Variants in ATG2B observed in about 807,000 individuals in gnomAD.
ATG2B encodes the protein autophagy-related protein 2 homolog B.
Under a neutral mutation model 241.3 loss-of-function variants are expected in ATG2B, and 121 were observed. That is an observed-to-expected ratio of 0.50 (90% confidence interval 0.43 to 0.58). The LOEUF is 0.58. Ranked by LOEUF, ATG2B falls within the 20% of genes least tolerant of loss-of-function variation. The pLI is 0.00. For synonymous variants in ATG2B, 858 were observed against 876.6 expected (o/e 0.98, Z 0.37); for missense variants, 2,306 against 2,491.6 (o/e 0.93, Z 1.59).
At position 96,289,637 on chromosome 14, in the gene ATG2B, C is replaced by T. The variant is rs1227902268; in HGVS notation, c.6006+19G>A. On this transcript the variant is annotated intron_variant, in intron 41 of 41. Transcript: ENST00000359933. This position sits in a 1 kb window ranked among gnomAD's most constrained non-coding sequence, Gnocchi z 4.3. ...GCGCACAGAAGGGTTCTGATGTGTC[C>T]ACCCAAGTATTCAGTTACCTCTTTC... 1 of 1,613,574 alleles carries T rather than the reference C, an allele frequency of 6.2e-7. No homozygotes were observed.
At chr14:96,357,486 T>C (rs753563684) in intron 1 of ATG2B, among the ~76,000 whole-genome samples, 1 of 152,078 alleles carries the variant, frequency 6.6e-6, no homozygotes. Flanking sequence ...AGCCCCCACA[T>C]TCTAAAGCCC....
chr14:96,327,256 AT>A (rs1887610385), intron 14 of ATG2B, among the ~76,000 whole-genome samples: 1 of 151,682 alleles, frequency 6.6e-6, no homozygotes. Context: ...AATAATAATA[AT>A]AATAATAAAC....
chr14:96,308,253 CACACATAT>C (rs1887033903), intron 29 of ATG2B, among the ~76,000 whole-genome samples: 1 of 36,428 alleles, frequency 2.7e-5, no homozygotes, highest in African/African-American at 1.6e-4. Flanking sequence ...TATATATATA[CACACATAT>C]ATATATATAT....
At position 96,283,364 on chromosome 14, in the gene ATG2B, C is replaced by T. The variant is rs1254481007; in HGVS notation, c.*2391G>A. The T allele has an allele frequency of 6.6e-6, 1 of 152,350 alleles. No individual in the cohort carries two copies. The highest frequency in any genetic ancestry group is 1.5e-5 in the Non-Finnish European group (1 of 68,164). 9.4% of individuals were successfully genotyped at this position (152,350 alleles called of 1,614,324 possible). ...AGTATTGCTCTGAGAGATCTGAGAT[C>T]TAAGGTGGCCCCTGGCTGCTCCGCG... On this transcript the variant is annotated 3_prime_UTR_variant, in exon 42 of 42. Coordinates refer to ENST00000359933, the MANE Select transcript of ATG2B (RefSeq NM_018036.7).
chr14:96,302,943 C>T, intron 33 of ATG2B, 118 bp downstream of exon 33: 1 of 779,256 alleles, frequency 1.3e-6, no homozygotes, highest in African/African-American at 1.8e-5. Context: ...AGGGACTTTT[C>T]ACATTAAAAT....
At chr14:96,341,373 T>A (rs923997007) in intron 6 of ATG2B, 149 bp downstream of exon 6, 2 of 526,038 alleles carry the variant, frequency 3.8e-6, no homozygotes, top group African/African-American at 2.0e-5. Flanking sequence ...GATAGAAGCA[T>A]CAACTGAGAG....
intron 34 of ATG2B, among the ~76,000 whole-genome samples, chr14:96,298,543 C>T (rs1322440059): frequency 2.0e-5 from 3 of 152,180 alleles, no homozygotes; most frequent in African/African-American, 7.2e-5. Context: ...TGTGAACCAG[C>T]AGGTAAACAG....
At chr14:96,323,447 T>C (rs1286217739) in intron 16 of ATG2B, among the ~76,000 whole-genome samples, 9 of 152,244 alleles carry the variant, frequency 5.9e-5, no homozygotes, top group Non-Finnish European at 1.3e-4. Flanking sequence ...AGAATAGCTG[T>C]GCTGCAACTG....
intron 15 of ATG2B, 51 bp downstream of exon 15, chr14:96,325,598 G>T (rs768955733): frequency 4.4e-5 from 66 of 1,513,750 alleles, no homozygotes; most frequent in Non-Finnish European, 1.3e-5. Context: ...AGTTTCAGTA[G>T]CAGTTGTTTG....
At chr14:96,296,825 A>C (rs1304619063) in intron 34 of ATG2B, among the ~76,000 whole-genome samples, 1 of 152,086 alleles carries the variant, frequency 6.6e-6, no homozygotes, top group Non-Finnish European at 1.5e-5. Flanking sequence ...TACTGTGCCA[A>C]AATGCAATGT....
chr14:96,318,930 A>T (rs921612527), intron 18 of ATG2B, among the ~76,000 whole-genome samples: 6 of 152,182 alleles, frequency 3.9e-5, no homozygotes, highest in African/African-American at 1.4e-4. Context: ...CGCCCAAGAG[A>T]GGGACTTGTG....
intron 11 of ATG2B, among the ~76,000 whole-genome samples, chr14:96,330,107 G>C (rs1361547869): frequency 6.7e-6 from 1 of 149,448 alleles, no homozygotes; most frequent in African/African-American, 2.5e-5. Flanking sequence ...CCCAGCACTT[G>C]AGGAGGACAA....
Position 96,324,059 on chromosome 14 carries a change from G to A in ATG2B, c.2438-61C>T, listed in dbSNP as rs1267803782. The A allele has an allele frequency of 7.3e-5, 79 of 1,082,630 alleles. 1 individual carries two copies. In the Middle Eastern group the frequency reaches 1.2e-3, roughly 17 times the overall value. 67.1% of individuals were successfully genotyped at this position (1,082,630 alleles called of 1,614,324 possible). On this transcript the variant is annotated intron_variant, in intron 15 of 41. Coordinates refer to ENST00000359933, the MANE Select transcript of ATG2B (RefSeq NM_018036.7). ...TTCTCAAGTACTAAAAGAAGAGATG[G>A]AGGAGCAAAGATCCTCTCAATCAGG... is the stretch of plus-strand genomic sequence containing the variant.
At chr14:96,331,704 AT>A (rs1887742106) in intron 10 of ATG2B, 67 bp from the exon 11 acceptor site, 1 of 1,208,234 alleles carries the variant, frequency 8.3e-7, no homozygotes, top group Admixed American at 2.5e-5. Context: ...ATTATAAAAC[AT>A]TTACTCATTT....
In ATG2B at chr14:96,304,577, G is replaced by A; in HGVS notation, c.4760C>T (p.Thr1587Ile). ...YISPHSSPSH[T>I]PTRHGRNTVC... The stretch of plus-strand genomic sequence containing the variant: ...TGTATTACGTCCATGTCTCGTGGGT[G>A]TGTGAGAAGGCGAACTGTGGGGACT... The change falls in exon 32 of 42, where the codon ACA becomes ATA. Residue 1587 changes from threonine to isoleucine, a missense_variant. Thr to Ile is a moderately conservative substitution (Grantham distance 89). Transcript: ENST00000359933. 6.2e-7 allele frequency: 1 copy of A among 1,606,008 alleles called. No homozygotes were observed. The highest frequency in any genetic ancestry group is 8.5e-7 in the Non-Finnish European group (1 of 1,175,616).
chr14:96,355,761 A>G (rs1888455773), intron 1 of ATG2B, among the ~76,000 whole-genome samples: 1 of 152,210 alleles, frequency 6.6e-6, no homozygotes, highest in Non-Finnish European at 1.5e-5. Context: ...AGCAAACATT[A>G]AATTATATAT....
intron 11 of ATG2B, among the ~76,000 whole-genome samples, chr14:96,330,256 A>G (rs914054038): frequency 1.3e-5 from 2 of 152,152 alleles, no homozygotes; most frequent in Non-Finnish European, 2.9e-5. Context: ...TATAAATACT[A>G]TAATCCTAAC....
At chr14:96,335,976 A>C (rs1020568949) in intron 6 of ATG2B, among the ~76,000 whole-genome samples, 1 of 152,182 alleles carries the variant, frequency 6.6e-6, no homozygotes, top group Non-Finnish European at 1.5e-5. Context: ...ATAAAAGAAC[A>C]TAACTAAAAA....
intron 26 of ATG2B, 67 bp downstream of exon 26, chr14:96,312,022 C>G: frequency 1.6e-6 from 2 of 1,216,434 alleles, no homozygotes; most frequent in Non-Finnish European, 2.4e-6. Context: ...AGTTAAAATG[C>G]TTTAAAATTA....
Sources: allele counts gnomAD v4.1 joint callset (sites outside exome capture counted in the v4.1 genomes callset), GRCh38; gene constraint gnomAD v4.1.1; non-coding constraint Gnocchi (gnomAD v3.1); transcripts MANE v1.5; gene names NCBI Gene and HGNC (gene_info 2026-07-23, HGNC 2026-07-21).